The following EML1 variants were observed in gnomAD, a reference collection of about 807,000 sequenced individuals.
EML1 encodes the protein EMAP like 1, also known as echinoderm microtubule-associated protein-like 1.
EML1 carries 27 observed loss-of-function variants against 110.4 expected under a neutral mutation model. That is an observed-to-expected ratio of 0.24 (90% CI 0.18 to 0.34). The LOEUF is 0.34. EML1 is among the 10% of genes least tolerant of loss of function. The pLI, the probability that EML1 is intolerant of heterozygous loss-of-function variation, is 1.00. For synonymous variants in EML1, 344 were observed against 385.8 expected (o/e 0.89, Z 1.27); for missense variants, 741 against 1,030.9 (o/e 0.72, Z 3.85).
At chr14:99,828,623 C>G (rs1211522415) in intron 1 of EML1, among the ~76,000 whole-genome samples, 2 of 152,066 alleles carry the variant, frequency 1.3e-5, no homozygotes, top group Non-Finnish European at 2.9e-5. Context: ...GACCCTTGAA[C>G]AATATAGGGG....
intron 2 of EML1, among the ~76,000 whole-genome samples, chr14:99,852,353 G>A (rs1428034202): frequency 6.6e-6 from 1 of 152,160 alleles, no homozygotes; most frequent in East Asian, 1.9e-4. Flanking sequence ...AGTGGCACAC[G>A]CCTGTAATCC....
chr14:99,865,400 ACCT>A (rs1194164371), intron 2 of EML1, 111 bp from the exon 3 acceptor site: 4 of 1,357,508 alleles, frequency 2.9e-6, no homozygotes, highest in African/African-American at 2.9e-5. Context: ...CTCACTGCTC[ACCT>A]CCTCCTGCTG....
intron 1 of EML1, among the ~76,000 whole-genome samples, chr14:99,801,199 C>T (rs1032041092): frequency 1.2e-4 from 19 of 152,192 alleles, no homozygotes; most frequent in African/African-American, 4.3e-4. Flanking sequence ...AATGGTTAGG[C>T]GAATATTCAT....
chr14:99,892,335 A>T (rs982495017), intron 5 of EML1: 9 of 430,360 alleles, frequency 2.1e-5, no homozygotes, highest in Non-Finnish European at 2.8e-5. Flanking sequence ...ATTCATTTTA[A>T]GTTAAACGCA....
At chr14:99,937,679 GC>G in intron 19 of EML1, 137 bp from the exon 20 acceptor site, 2 of 683,420 alleles carry the variant, frequency 2.9e-6, no homozygotes, top group South Asian at 3.7e-5. Context: ...CGTGGTTCCT[GC>G]CCGACTGGGA....
rs960511773 is a variant in EML1, at chr14:99,781,964, C to G, written c.-27+7951C>G. ...TCCCCATGTGTCTGTCGGTCCCAAA[C>G]CCAAGCAACAAATACTTTCCAAATA... On this transcript the variant is annotated intron_variant, in intron 1 of 22. Transcript: ENST00000327921. This position sits in a 1 kb window ranked among gnomAD's most constrained non-coding sequence, Gnocchi z 4.2. Among the ~76,000 whole-genome samples, 4 of 152,194 alleles carry G rather than the reference C, an allele frequency of 2.6e-5. No homozygotes were observed. The highest frequency in any genetic ancestry group is 1.5e-5 in the Non-Finnish European group (1 of 68,036).
intron 1 of EML1, among the ~76,000 whole-genome samples, chr14:99,804,837 G>T (rs1376796955): frequency 6.6e-6 from 1 of 152,028 alleles, no homozygotes; most frequent in Admixed American, 6.6e-5. Context: ...TCTCTGAATT[G>T]CCCAGCATCC....
At chr14:99,829,750 T>C (rs569480213) in intron 1 of EML1, among the ~76,000 whole-genome samples, 5 of 152,240 alleles carry the variant, frequency 3.3e-5, no homozygotes, top group Non-Finnish European at 7.3e-5. Context: ...ATTTGTCTCA[T>C]ACAATACTAG....
Position 99,814,441 on chromosome 14 carries a change from A to G in EML1, c.67+20898A>G, listed in dbSNP as rs545783010. On this transcript the variant is annotated intron_variant, in intron 1 of 21. Transcript: ENST00000262233. ...CAAGTCCAGATAATTTTTTTTCTAA[A>G]TTTTGTAGTGCTGGGATCTTGCTGT... Among the ~76,000 whole-genome samples, 32 of 151,978 alleles carry G rather than the reference A, an allele frequency of 2.1e-4. 1 individual carries two copies. In the South Asian group the frequency reaches 6.7e-3, roughly 32 times the overall value.
chr14:99,918,917 C>T (rs988931828), intron 16 of EML1, among the ~76,000 whole-genome samples: 1 of 152,204 alleles, frequency 6.6e-6, no homozygotes, highest in African/African-American at 2.4e-5. Flanking sequence ...TGAGTTAATA[C>T]CTATTCACCT....
intron 3 of EML1, among the ~76,000 whole-genome samples, chr14:99,877,988 A>T (rs1479949719): frequency 6.6e-6 from 1 of 152,172 alleles, no homozygotes; most frequent in Non-Finnish European, 1.5e-5. Context: ...TGTGTGGCTC[A>T]GGACAGCTTT....
intron 6 of EML1, among the ~76,000 whole-genome samples, 159 bp downstream of exon 6, chr14:99,894,917 T>C (rs1212155927): frequency 6.6e-6 from 1 of 152,250 alleles, no homozygotes; most frequent in African/African-American, 2.4e-5. Flanking sequence ...AAATTGACTA[T>C]ATGTTAGAGA....
Position 99,934,816 on chromosome 14 carries a change from C to A in EML1, c.1910-1213C>A, listed in dbSNP as rs906585041. 6.6e-5 allele frequency among the ~76,000 whole-genome samples: 10 copies of A among 152,310 alleles called. No individual in the cohort carries two copies. The South Asian group carries it at 1.0e-3, about 16-fold the overall frequency. On this transcript the variant is annotated intron_variant, in intron 17 of 21. Transcript: ENST00000262233. ...GTTTCCTGTCCTGGGCATCGTGAGT[C>A]CCCCTCCCTGCATAGCGTGCACAGC...
At chr14:99,891,551 A>G (rs1352332573) in intron 5 of EML1, among the ~76,000 whole-genome samples, 1 of 152,190 alleles carries the variant, frequency 6.6e-6, no homozygotes, top group Non-Finnish European at 1.5e-5. Context: ...TGCCTTGGTT[A>G]TTCCTTCCTT....
At chr14:99,885,705 G>A (rs1473075201) in intron 4 of EML1, among the ~76,000 whole-genome samples, 2 of 152,184 alleles carry the variant, frequency 1.3e-5, no homozygotes, top group Non-Finnish European at 1.5e-5. Context: ...TATTGTTTTA[G>A]TTTTGAGACT....
At chr14:99,756,714 C>T (rs1176730739) in intron 1 of EML1, among the ~76,000 whole-genome samples, 1 of 152,124 alleles carries the variant, frequency 6.6e-6, no homozygotes, top group Non-Finnish European at 1.5e-5. Flanking sequence ...CCTTCCCGAG[C>T]CCCCACACCT....
chr14:99,751,502 C>T (rs75943719), intron 1 of EML1, among the ~76,000 whole-genome samples: 31 of 152,190 alleles, frequency 2.0e-4, no homozygotes, highest in African/African-American at 7.2e-4. Context: ...GGGGAGGTGT[C>T]ATGCAGAAAA....
chr14:99,768,215 G>A (rs560978406), upstream of EML1, among the ~76,000 whole-genome samples: 3 of 152,202 alleles, frequency 2.0e-5, no homozygotes, highest in Admixed American at 6.5e-5. Context: ...GTCTTAGAGC[G>A]GAGGAAATCC....
chr14:99,841,997 A>G (rs1343660780), intron 1 of EML1, among the ~76,000 whole-genome samples: 2 of 148,422 alleles, frequency 1.3e-5, no homozygotes, highest in African/African-American at 4.9e-5. Context: ...ACCTCCCTCT[A>G]ACACTGTAAA....
Sources: allele counts gnomAD v4.1 joint callset (sites outside exome capture counted in the v4.1 genomes callset), GRCh38; gene constraint gnomAD v4.1.1; non-coding constraint Gnocchi (gnomAD v3.1); transcripts MANE v1.5; gene names NCBI Gene and HGNC (gene_info 2026-07-23, HGNC 2026-07-21).